Variants in CTIF observed in about 807,000 individuals in gnomAD.
The protein encoded by CTIF is cap binding complex dependent translation initiation factor.
Under a neutral mutation model 66.0 loss-of-function variants are expected in CTIF, and 21 were observed. The observed-to-expected ratio is 0.32, with a 90% CI of 0.23 to 0.46. CTIF has a LOEUF of 0.46. Ranked by LOEUF, CTIF falls within the 20% of genes least tolerant of loss-of-function variation. CTIF has a pLI of 1.00. For missense variants in CTIF, 739 were observed against 812.7 expected, an observed-to-expected ratio of 0.91 and a Z score of 1.10; for synonymous variants, 345 against 326.4, an observed-to-expected ratio of 1.06 and a Z score of -0.62.
intron 10 of CTIF, among the ~76,000 whole-genome samples, chr18:48,856,679 A>G (rs374207725): frequency 4.7e-4 from 72 of 152,348 alleles, no homozygotes; most frequent in African/African-American, 1.6e-3. Context: ...GTGTGATTCT[A>G]TTTCTATAAA....
intron 10 of CTIF, among the ~76,000 whole-genome samples, chr18:48,818,045 A>G (rs1192590605): frequency 6.6e-6 from 1 of 152,248 alleles, no homozygotes; most frequent in Non-Finnish European, 1.5e-5. Context: ...CTATGAAAAC[A>G]TATTTTCTTC....
rs181587671 is a variant in CTIF, at chr18:48,550,904, G to A, written c.-29+11592G>A. On this transcript the variant is annotated intron_variant, in intron 1 of 11. Transcript: ENST00000256413. ...TCTGTCCAGATTCCAAACCAGTTCC[G>A]TGTGGCACTGCACAGTGCCCTGGAC... Among the ~76,000 whole-genome samples the A allele has an allele frequency of 5.7e-4, 87 of 152,196 alleles. 1 individual carries two copies. In the East Asian group the frequency reaches 0.013, roughly 22 times the overall value.
chr18:48,594,647 C>T (rs866429296), intron 1 of CTIF, among the ~76,000 whole-genome samples: 1 of 152,198 alleles, frequency 6.6e-6, no homozygotes, highest in Non-Finnish European at 1.5e-5. Flanking sequence ...CACGTTGTGA[C>T]CTTGTTGGCA....
chr18:48,735,039 A>G (rs1296617350), intron 7 of CTIF, among the ~76,000 whole-genome samples: 3 of 152,182 alleles, frequency 2.0e-5, no homozygotes, highest in African/African-American at 7.2e-5. Flanking sequence ...GTGTACAAGT[A>G]TGTATATGCA....
At chr18:48,568,774 G>T (rs1268876772) in intron 1 of CTIF, among the ~76,000 whole-genome samples, 2 of 151,674 alleles carry the variant, frequency 1.3e-5, no homozygotes, top group Non-Finnish European at 2.9e-5. Context: ...AGGCAAAAGA[G>T]TGTGTGCAGA....
chr18:48,767,496 C>G (rs192778611), intron 9 of CTIF, among the ~76,000 whole-genome samples: 1 of 152,080 alleles, frequency 6.6e-6, no homozygotes, highest in Non-Finnish European at 1.5e-5. Flanking sequence ...TGTCTGCATC[C>G]GAGCTATGCA....
chr18:48,705,673 TTCACC>T (rs1407194212), intron 6 of CTIF, among the ~76,000 whole-genome samples: 2 of 152,226 alleles, frequency 1.3e-5, no homozygotes, highest in African/African-American at 4.8e-5. Context: ...ATGCCAGGGC[TTCACC>T]TCTGCCCAGG....
chr18:48,648,489 G>GCACACACACACACA (rs981846108), intron 3 of CTIF, among the ~76,000 whole-genome samples: 1 of 62,972 alleles, frequency 1.6e-5, no homozygotes, highest in Non-Finnish European at 4.6e-5. Flanking sequence ...ACACACACAC[G>GCACACACACACACA]CACACACACA....
At chr18:48,715,402 G>C (rs929427477) in intron 7 of CTIF, among the ~76,000 whole-genome samples, 1 of 152,244 alleles carries the variant, frequency 6.6e-6, no homozygotes, top group Non-Finnish European at 1.5e-5. Flanking sequence ...TGACATAAAT[G>C]TGCTAAATGA....
rs575493728 is a variant in CTIF, at chr18:48,730,265, A to G, written c.584+18570A>G. Among the ~76,000 whole-genome samples the G allele has an allele frequency of 6.7e-3, 580 of 86,300 alleles. 3 individuals are homozygous for G. The highest frequency in any genetic ancestry group is 0.046 in the Middle Eastern group (5 of 108). The allele number at this position is 86,300 out of a possible 152,430, so 56.6% of individuals were successfully genotyped here. On this transcript the variant is annotated intron_variant, in intron 7 of 11. Transcript: ENST00000256413. ...CCTCCGCGGTGTGAGGGGCCCCCGCAGTGTGAGGGCCTCCTGGGGTGTGAG... is the reference window on the plus strand; with the variant it reads ...CCTCCGCGGTGTGAGGGGCCCCCGCGGTGTGAGGGCCTCCTGGGGTGTGAG...
In CTIF at chr18:48,636,595, G is replaced by T. The variant is rs376837270; in HGVS notation, c.181-19G>T. On this transcript the variant is annotated intron_variant, in intron 2 of 11. Coordinates refer to ENST00000256413, the MANE Select transcript of CTIF (RefSeq NM_014772.3). ...CCTGGCTGTCCTGCCGTCACTGATCGCTCCTTTCTGTTCTGCAGTGGACAG... is the reference window on the plus strand; with the variant it reads ...CCTGGCTGTCCTGCCGTCACTGATCTCTCCTTTCTGTTCTGCAGTGGACAG... The T allele has an allele frequency of 2.0e-6, 3 of 1,515,598 alleles. No individual in the cohort carries two copies. The highest frequency in any genetic ancestry group is 2.6e-6 in the Non-Finnish European group (3 of 1,132,176). The allele number at this position is 1,515,598 out of a possible 1,614,324, so 93.9% of individuals were successfully genotyped here.
intron 10 of CTIF, chr18:48,826,089 C>T (rs926013131): frequency 1.3e-5 from 2 of 152,300 alleles, no homozygotes; most frequent in Middle Eastern, 3.4e-3. Flanking sequence ...CTCATTCTTC[C>T]GTCTTTTGAA....
intron 6 of CTIF, among the ~76,000 whole-genome samples, chr18:48,673,863 C>T (rs2043709655): frequency 6.6e-6 from 1 of 152,204 alleles, no homozygotes. Flanking sequence ...TGGCCCAAGA[C>T]AGTTGTTTCG....
At chr18:48,609,337 C>T (rs11662330) in intron 1 of CTIF, among the ~76,000 whole-genome samples, 28,547 of 151,828 alleles carry the variant, frequency 0.19, 2,780 homozygotes, top group South Asian at 0.24. Context: ...CAGAGGTGGG[C>T]CTTGAGGGAA....
chr18:48,693,643 G>A (rs890867859), intron 6 of CTIF, among the ~76,000 whole-genome samples: 1 of 152,306 alleles, frequency 6.6e-6, no homozygotes, highest in South Asian at 2.1e-4. Context: ...CCAGCACCCA[G>A]TAGAGAGAAG....
intron 6 of CTIF, among the ~76,000 whole-genome samples, chr18:48,702,362 T>C (rs2092095291): frequency 6.6e-6 from 1 of 152,208 alleles, no homozygotes. Flanking sequence ...CCCACAAGGC[T>C]ACCCTGCGCA....
intron 10 of CTIF, among the ~76,000 whole-genome samples, chr18:48,838,403 G>T (rs1224086028): frequency 6.6e-6 from 1 of 152,156 alleles, no homozygotes; most frequent in East Asian, 1.9e-4. Context: ...GAGCCTCTCG[G>T]TGCAGTGGCC....
chr18:48,758,144 T>A lies in CTIF; in HGVS notation c.810T>A (p.Asn270Lys). 4.3e-6 allele frequency: 7 copies of A among 1,613,466 alleles called. No homozygotes were observed. Among genetic ancestry groups the A allele is most frequent in the Non-Finnish European group, 5.9e-6 (7 of 1,179,908 alleles). The change falls in exon 8 of 12, where the codon AAT (asparagine) becomes AAA (lysine). Residue 270 changes from asparagine (N) to lysine (K), a missense_variant. Around this residue, in one of 2 missense-constraint regions of CTIF, gnomAD observed 529 missense variants for 520.3 expected, o/e 1.02. Coordinates refer to ENST00000256413, the MANE Select transcript of CTIF (RefSeq NM_014772.3). The part of the protein sequence containing the change: ...GDKGEAGAHR[N>K]AKETMTIENP... ...AGGGGGAGGCAGGCGCACACCGCAATGCCAAAGAGACCATGACCATCGAGA... is the reference window on the plus strand; with the variant it reads ...AGGGGGAGGCAGGCGCACACCGCAAAGCCAAAGAGACCATGACCATCGAGA...
At chr18:48,638,665 G>T (rs989225478) in intron 3 of CTIF, among the ~76,000 whole-genome samples, 1 of 152,228 alleles carries the variant, frequency 6.6e-6, no homozygotes, top group South Asian at 2.1e-4. Context: ...CCCTAACACC[G>T]CAAGGAGCAG....
Sources: gnomAD v4.1 joint callset for allele counts (sites outside exome capture counted in the v4.1 genomes callset) on GRCh38, gnomAD v4.1.1 for gene constraint, gnomAD v4.1.1 regional missense constraint, MANE v1.5 for transcripts, NCBI Gene and HGNC (gene_info 2026-07-23, HGNC 2026-07-21) for gene names.